TTN: variants seen among roughly 807,000 people sequenced by gnomAD.
TTN encodes titin.
In TTN, 1,525 loss-of-function variants were observed where a neutral mutation model predicts 3,223.0. That is an observed-to-expected ratio of 0.47 (90% CI 0.45 to 0.49). TTN has a LOEUF of 0.49. Ranked by LOEUF, TTN falls within the 20% of genes least tolerant of loss-of-function variation. The pLI is 0.00. For missense variants in TTN, 40,786 were observed against 43,424.0 expected (o/e 0.94, Z 5.40); for synonymous variants, 14,094 against 15,161.0 (o/e 0.93, Z 5.17).
rs752424641 is a variant in TTN, at chr2:178,537,182, C to G, written c.99927G>C (p.Val33309=). ...VIEALLKNSA[V]ISWKPPADDG... ...CATCTGCGGGTGGTTTCCAGCTGAT[C>G]ACTGCGGAGTTCTTCAATAGAGCTT... The change falls in exon 356 of 363, where the codon GTG becomes GTC. Residue 33309 remains valine (V), a synonymous_variant. Transcript: ENST00000589042. 8.1e-6 allele frequency: 13 copies of G among 1,613,602 alleles called. No individual in the cohort carries two copies. The highest frequency in any genetic ancestry group is 3.3e-5 in the Admixed American group (2 of 59,974).
Position 178,557,163 on chromosome 2 carries a change from C to T in TTN, c.88010-19G>A, listed in dbSNP as rs761058016. ...GGGGGTTCTGTGGTAATAAGAGAAG[C>T]AGATTAGCGGCACTTATAATATTTT... On this transcript the variant is annotated intron_variant, in intron 329 of 362. Coordinates refer to ENST00000589042, the MANE Select transcript of TTN (RefSeq NM_001267550.2). 11 of 1,612,734 alleles carry T rather than the reference C, an allele frequency of 6.8e-6. No homozygotes were observed. The South Asian group carries it at 1.1e-4, about 16-fold the overall frequency.
At chr2:178,725,239 T>G (rs1049716441) in intron 71 of TTN, 129 bp downstream of exon 71, 6 of 1,059,622 alleles carry the variant, frequency 5.7e-6, no homozygotes, top group Non-Finnish European at 7.5e-6. Flanking sequence ...ATGTCTTTCC[T>G]CTAGACCTTT....
rs1330730155 is a variant in TTN at position 178,717,980 on chromosome 2, C to T, written c.25026G>A (p.Val8342=). The T allele has an allele frequency of 6.2e-7, 1 of 1,613,588 alleles. No homozygotes were observed. The highest frequency in any genetic ancestry group is 1.7e-5 in the Admixed American group (1 of 60,014). Residue 8342 remains valine, a synonymous_variant, in exon 86 of 363, where the codon GTG becomes GTA. Transcript: ENST00000589042. ...GEYSCKADNS[V]GAVASSAVLV... ...GCACAGCTGAAGAAGCGACTGCCCC[C>T]ACACTGTTGTCTGCCTTGCATGAAT... is the stretch of plus-strand genomic sequence containing the variant.
chr2:178,774,489 G>A lies in TTN; in HGVS notation c.6791-16C>T, dbSNP rs2091963041. ...ACAACTGCACCTGAAGTGTATAACAGAAAGATAAATCAATTTTTTTGGAGA... is the reference window on the plus strand; with the variant it reads ...ACAACTGCACCTGAAGTGTATAACAAAAAGATAAATCAATTTTTTTGGAGA... On this transcript the variant is annotated splice_polypyrimidine_tract_variant and intron_variant, in intron 29 of 362. Coordinates refer to ENST00000589042, the MANE Select transcript of TTN (RefSeq NM_001267550.2). 1 of 1,609,600 alleles carries A rather than the reference G, an allele frequency of 6.2e-7. No homozygotes were observed. The highest frequency in any genetic ancestry group is 1.7e-5 in the Admixed American group (1 of 59,930).
chr2:178,712,732 C>G lies in TTN; in HGVS notation c.27293G>C (p.Gly9098Ala). 6.2e-7 allele frequency: 1 copy of G among 1,613,744 alleles called. No individual in the cohort carries two copies. Among genetic ancestry groups the G allele is most frequent in the Non-Finnish European group, 8.5e-7 (1 of 1,179,716 alleles). Residue 9098 changes from glycine to alanine, a missense_variant, in exon 94 of 363, where the codon GGC (glycine) becomes GCC (alanine). Gly to Ala is a moderately conservative substitution (Grantham distance 60, BLOSUM62 0). Transcript: ENST00000589042. ...GAGATGTGTTGTACAAGAAGCCTTG[C>G]CAGCTTCATTGCTAACTATGCAAGT... ...EYTCIVSNEAGKASCTTHLYI... is the reference protein window; with the variant it reads ...EYTCIVSNEAAKASCTTHLYI...
In TTN at chr2:178,554,577, C is replaced by T; in HGVS notation, c.88770G>A (p.Glu29590=). Residue 29590 remains glutamate, a synonymous_variant, in exon 332 of 363, where the codon GAG becomes GAA. Coordinates refer to ENST00000589042, the MANE Select transcript of TTN (RefSeq NM_001267550.2). The stretch of plus-strand genomic sequence containing the variant: ...TAATTTTGGTGGTTGTAATGATGCA[C>T]TCTTCCAAATGTTCAGACACCATAG... The part of the protein sequence containing the change: ...VWSMVSEHLE[E]CIITTTKIIK... 1.2e-6 allele frequency: 2 copies of T among 1,613,840 alleles called. No individual in the cohort carries two copies. Among genetic ancestry groups the T allele is most frequent in the Middle Eastern group, 1.6e-4 (1 of 6,062 alleles).
Position 178,592,622 on chromosome 2 carries a change from C to T in TTN, c.59383G>A (p.Glu19795Lys). The change falls in exon 301 of 363, where the codon GAA (glutamate) becomes AAA (lysine). Residue 19795 changes from glutamate to lysine, a missense_variant. Physicochemically the swap from Glu to Lys is moderately conservative, Grantham distance 56 (BLOSUM62 1). Transcript: ENST00000589042. Reference protein sequence around the residue: ...ELILDANMAREQHIKVGDTLR... With the variant: ...ELILDANMARKQHIKVGDTLR... ...GTATCACCAACTTTAATGTGTTGTT[C>T]TCTTGCCATGTTGGCATCAAGAATC... 6.2e-7 allele frequency: 1 copy of T among 1,613,254 alleles called. No individual in the cohort carries two copies.
rs774274447 is a variant in TTN at position 178,653,280 on chromosome 2, G to C, written c.38749C>G (p.Pro12917Ala). ...TCAGGCTTTTTAGGAGGAGCCAAGG[G>C]CACTTTCTTTTCAAGGACAACTTCT... ...PKEVVLEKKV[P>A]LAPPKKPEVP... Residue 12917 changes from proline (P) to alanine (A), a missense_variant, in exon 198 of 363, where the codon CCC (proline) becomes GCC (alanine). Pro to Ala is a conservative substitution (Grantham distance 27, BLOSUM62 -1). Transcript: ENST00000589042. 1 of 1,612,320 alleles carries C rather than the reference G, an allele frequency of 6.2e-7. No individual in the cohort carries two copies. The highest frequency in any genetic ancestry group is 8.5e-7 in the Non-Finnish European group (1 of 1,179,488).
In TTN at chr2:178,683,509, G is replaced by A. The variant is rs963016525; in HGVS notation, c.32807-218C>T. ...CATTGAATAATTTTAGGAAAATCAA[G>A]TAGTATTTATAAAAGTTTAAAAAGA... On this transcript the variant is annotated intron_variant, in intron 133 of 362. Transcript: ENST00000589042. 3.9e-5 allele frequency among the ~76,000 whole-genome samples: 6 copies of A among 152,152 alleles called. 1 individual carries two copies. The highest frequency in any genetic ancestry group is 1.4e-4 in the African/African-American group (6 of 41,552).
chr2:178,714,550 GCTT>G lies in TTN; in HGVS notation c.26221_26223del (p.Lys8741del). 6.2e-7 allele frequency: 1 copy of G among 1,605,848 alleles called. No individual in the cohort carries two copies. The highest frequency in any genetic ancestry group is 1.3e-5 in the African/African-American group (1 of 74,802). The stretch of plus-strand genomic sequence containing the variant: ...CCAACGACAGTAGATATGTCACTGA[GCTT>G]CTTCACAAATCTTGGTGGTGCTGAT... On this transcript the variant is annotated inframe_deletion, in exon 91 of 363. Coordinates refer to ENST00000589042, the MANE Select transcript of TTN (RefSeq NM_001267550.2).
At position 178,795,130 on chromosome 2, in the gene TTN, T is replaced by G. The variant is rs368553478; in HGVS notation, c.1037A>C (p.Lys346Thr). The stretch of plus-strand genomic sequence containing the variant: ...TGAGGAGGCCACGTAGCCCTCTTGC[T>G]TCCAAGGGGGAGGCACTTCAGGACC... ...ATGPEVPPPW[K>T]QEGYVASSSE... is the part of the protein sequence containing the mutation. Residue 346 changes from lysine to threonine, a missense_variant, in exon 7 of 363, where the codon AAG becomes ACG. Lys to Thr is a moderately conservative substitution (Grantham distance 78, BLOSUM62 -1). Transcript: ENST00000589042. 1.2e-6 allele frequency: 2 copies of G among 1,614,162 alleles called. No individual in the cohort carries two copies. The highest frequency in any genetic ancestry group is 2.2e-5 in the South Asian group (2 of 91,088).
At position 178,583,622 on chromosome 2, in the gene TTN, T is replaced by G; in HGVS notation, c.65560A>C (p.Ile21854Leu). 1 of 1,602,842 alleles carries G rather than the reference T, an allele frequency of 6.2e-7. No homozygotes were observed. The highest frequency in any genetic ancestry group is 8.5e-7 in the Non-Finnish European group (1 of 1,172,582). ...AGAATCTTACCATTTTCTGCGAGGA[T>G]AGTCACTGGATCAGAAGGTTCAGAA... ...PPSEPSDPVT[I>L]LAENVPPRID... Residue 21854 changes from isoleucine (I) to leucine (L), a missense_variant, in exon 312 of 363, where the codon ATC becomes CTC. Coordinates refer to ENST00000589042, the MANE Select transcript of TTN (RefSeq NM_001267550.2).
Position 178,577,311 on chromosome 2 carries a change from C to A in TTN, c.69024G>T (p.Lys23008Asn), listed in dbSNP as rs2046652524. 12 of 1,612,660 alleles carry A rather than the reference C, an allele frequency of 7.4e-6. No homozygotes were observed. Among genetic ancestry groups the A allele is most frequent in the Non-Finnish European group, 1.0e-5 (12 of 1,179,482 alleles). The part of the protein sequence containing the change: ...STPTSSMLTI[K>N]YATRKDAGEY... ...CACCCGCATCTTTTCTAGTGGCATACTTGATAGTAAGCATGGAAGATGTTG... is the reference window on the plus strand; with the variant it reads ...CACCCGCATCTTTTCTAGTGGCATAATTGATAGTAAGCATGGAAGATGTTG... The change falls in exon 324 of 363, where the codon AAG becomes AAT. Residue 23008 changes from lysine (K) to asparagine (N), a missense_variant. Physicochemically the swap from Lys to Asn is moderately conservative, Grantham distance 94. Coordinates refer to ENST00000589042, the MANE Select transcript of TTN (RefSeq NM_001267550.2).
rs1373178934 is a variant in TTN, at chr2:178,592,947, A to G, written c.59172T>C (p.Asp19724=). Residue 19724 remains aspartate, a synonymous_variant, in exon 300 of 363, where the codon GAT becomes GAC. Transcript: ENST00000589042. ...GYIVEYQKVG[D]EEWRRANHTP... is the part of the protein sequence containing the mutation. ...TGTGATTGGCTCTTCTCCACTCTTC[A>G]TCTCCAACTTTCTGGTACTCAACAA... 1.9e-6 allele frequency: 3 copies of G among 1,613,424 alleles called. No individual in the cohort carries two copies. The highest frequency in any genetic ancestry group is 2.2e-5 in the South Asian group (2 of 91,068).
At position 178,638,574 on chromosome 2, in the gene TTN, T is replaced by C. The variant is rs139330737; in HGVS notation, c.40876+1125A>G. On this transcript the variant is annotated intron_variant, in intron 223 of 362. Transcript: ENST00000589042. ...TAGTTCTCTTTTTTTTTTTTTAAAT[T>C]CACCCTGAATTTTTTATTTTGTGCT... 2.8e-3 allele frequency among the ~76,000 whole-genome samples: 423 copies of C among 151,362 alleles called. 1 individual carries two copies. Among genetic ancestry groups the C allele is most frequent in the African/African-American group, 9.7e-3 (400 of 41,374 alleles).
In TTN at chr2:178,563,945, T is replaced by C. The variant is rs367804525; in HGVS notation, c.82187A>G (p.Gln27396Arg). ...KCYLAWNPPLQDGGANISHYI... is the reference protein window; with the variant it reads ...KCYLAWNPPLRDGGANISHYI... ...ATGTGAAATATTAGCACCACCATCT[T>C]GCAAAGGTGGGTTCCATGCCAGGTA... Residue 27396 changes from glutamine to arginine, a missense_variant, in exon 326 of 363, where the codon CAA becomes CGA. Physicochemically the swap from Gln to Arg is conservative, Grantham distance 43 (BLOSUM62 1). Transcript: ENST00000589042. The surrounding 1 kb of genome is among the most constrained non-coding windows in gnomAD (Gnocchi z 4.5). The C allele has an allele frequency of 1.2e-6, 2 of 1,613,624 alleles. No homozygotes were observed. Among genetic ancestry groups the C allele is most frequent in the South Asian group, 1.1e-5 (1 of 91,088 alleles).
intron 16 of TTN, 89 bp downstream of exon 16, chr2:178,783,981 C>T: frequency 3.7e-6 from 6 of 1,600,322 alleles, no homozygotes; most frequent in Non-Finnish European, 4.3e-6. Context: ...GGCAAGACTC[C>T]ACTGGCTACT....
At chr2:178,689,684 A>G in intron 122 of TTN, 89 bp from the exon 123 acceptor site, 1 of 1,446,680 alleles carries the variant, frequency 6.9e-7, no homozygotes, top group South Asian at 1.3e-5. Context: ...GGGTGGACAG[A>G]CACTTTTGTT....
Position 178,712,451 on chromosome 2 carries a change from C to T in TTN, c.27471G>A (p.Arg9157=). 1 of 1,613,784 alleles carries T rather than the reference C, an allele frequency of 6.2e-7. No homozygotes were observed. Among genetic ancestry groups the T allele is most frequent in the Admixed American group, 1.7e-5 (1 of 59,990 alleles). ...ATTTTTCAGTCGTAGTTATATTACA[C>T]CTCTGAGAAGGAGTTACATTTATGC... ...KNGINVTPSQ[R]CNITTTEKSA... The change falls in exon 95 of 363, where the codon AGG becomes AGA. Residue 9157 remains arginine (R), a synonymous_variant. Transcript: ENST00000589042.
Sources: allele counts gnomAD v4.1 joint callset (sites outside exome capture counted in the v4.1 genomes callset), GRCh38; gene constraint gnomAD v4.1.1; non-coding constraint Gnocchi (gnomAD v3.1); transcripts MANE v1.5; gene names NCBI Gene and HGNC (gene_info 2026-07-23, HGNC 2026-07-21).